Variants in IL1RAPL2 observed in about 807,000 individuals in gnomAD.
IL1RAPL2 encodes the protein X-linked interleukin-1 receptor accessory protein-like 2.
Under a neutral mutation model 44.1 loss-of-function variants are expected in IL1RAPL2, and 3 were observed. The observed-to-expected ratio is 0.07, with a 90% CI of 0.03 to 0.18. The LOEUF is 0.18. Among genes scored for constraint, IL1RAPL2 ranks in the 10% least tolerant of loss-of-function variants. The pLI, the probability that IL1RAPL2 is intolerant of heterozygous loss-of-function variation, is 1.00. For synonymous variants in IL1RAPL2, 181 were observed against 178.8 expected, an observed-to-expected ratio of 1.01 and a Z score of -0.10; for missense variants, 391 against 496.4, an observed-to-expected ratio of 0.79 and a Z score of 2.02.
intron 5 of IL1RAPL2, among the ~76,000 whole-genome samples, chrX:105,307,757 C>G (rs2147679171): frequency 1.0e-5 from 1 of 95,355 alleles, no homozygotes; most frequent in Admixed American, 1.4e-4. Flanking sequence ...CTTTTTTATT[C>G]AGTGAGTTAC....
intron 2 of IL1RAPL2, among the ~76,000 whole-genome samples, chrX:104,744,408 C>A (rs1932140257): frequency 9.0e-6 from 1 of 111,472 alleles, no homozygotes; most frequent in Admixed American, 9.6e-5. Flanking sequence ...ACAGGCAGCA[C>A]TGTACTAGGC....
At chrX:105,552,579 A>G (rs2036865902) in intron 6 of IL1RAPL2, among the ~76,000 whole-genome samples, 1 of 112,011 alleles carries the variant, frequency 8.9e-6, no homozygotes, top group African/African-American at 3.3e-5. Context: ...TCCAGGCATG[A>G]CACATAAAAA....
intron 2 of IL1RAPL2, among the ~76,000 whole-genome samples, chrX:104,989,123 C>G (rs763106138): frequency 1.3e-4 from 15 of 111,715 alleles, no homozygotes; most frequent in Non-Finnish European, 5.6e-5. Flanking sequence ...TAAGTATTTG[C>G]TCTTTCGCTC....
chrX:105,167,306 G>C, intron 2 of IL1RAPL2, among the ~76,000 whole-genome samples: 1 of 112,630 alleles, frequency 8.9e-6, no homozygotes. Flanking sequence ...AGGAATTTCT[G>C]CCTAAGGAAT....
At chrX:105,504,955 A>G (rs986758516) in intron 6 of IL1RAPL2, among the ~76,000 whole-genome samples, 82 of 111,244 alleles carry the variant, frequency 7.4e-4, no homozygotes, top group African/African-American at 2.6e-3. Context: ...AAATCAGTGT[A>G]ATGTTACCAT....
intron 5 of IL1RAPL2, among the ~76,000 whole-genome samples, chrX:105,483,595 C>G (rs2147775537): frequency 9.0e-6 from 1 of 111,452 alleles, no homozygotes; most frequent in African/African-American, 3.2e-5. Flanking sequence ...TTTCCCCAAA[C>G]CTTCCAGCGA....
intron 5 of IL1RAPL2, among the ~76,000 whole-genome samples, chrX:105,307,465 A>ATATATTATATATAATATATATATTT (rs2034749704): frequency 1.5e-5 from 1 of 68,291 alleles, no homozygotes; most frequent in Non-Finnish European, 2.5e-5. Context: ...TTTATATTAT[A>ATATATTATATATAATATATATATTT]TATATTATAT....
chrX:104,983,718 A>G (rs898415627), intron 2 of IL1RAPL2, among the ~76,000 whole-genome samples: 10 of 101,632 alleles, frequency 9.8e-5, no homozygotes, highest in African/African-American at 3.5e-4. Context: ...ATAATATTGT[A>G]TACATAATAT....
At chrX:104,861,676 T>A (rs963710907) in intron 2 of IL1RAPL2, among the ~76,000 whole-genome samples, 3 of 111,019 alleles carry the variant, frequency 2.7e-5, no homozygotes, top group Non-Finnish European at 5.7e-5. Flanking sequence ...AATCCACCGA[T>A]GCTCAGGTCC....
chrX:104,833,476 C>T (rs1464864564), intron 2 of IL1RAPL2, among the ~76,000 whole-genome samples: 6 of 111,865 alleles, frequency 5.4e-5, no homozygotes, highest in African/African-American at 6.5e-5. Context: ...GAATTTGTCT[C>T]GTGTAAAGTC....
chrX:104,965,932 A>G (rs1000511429), intron 2 of IL1RAPL2, among the ~76,000 whole-genome samples: 1 of 109,308 alleles, frequency 9.1e-6, no homozygotes, highest in Non-Finnish European at 1.9e-5. Flanking sequence ...AAGATTTATC[A>G]TATACCTAGA....
intron 4 of IL1RAPL2, among the ~76,000 whole-genome samples, chrX:105,261,604 G>T (rs1314439586): frequency 9.0e-6 from 1 of 111,491 alleles, no homozygotes. Context: ...TAGGCCTTTA[G>T]TGTGAGGTTT....
At chrX:105,285,442 G>C (rs2034563634) in intron 5 of IL1RAPL2, among the ~76,000 whole-genome samples, 1 of 111,878 alleles carries the variant, frequency 8.9e-6, no homozygotes, top group African/African-American at 3.2e-5. Context: ...ATTTCTACTT[G>C]CTGGGAATTC....
intron 5 of IL1RAPL2, among the ~76,000 whole-genome samples, chrX:105,368,983 A>G (rs1312885860): frequency 1.8e-5 from 2 of 108,531 alleles, no homozygotes; most frequent in East Asian, 5.9e-4. Flanking sequence ...GGATTGTTTC[A>G]TTTAGTTAAT....
At chrX:105,063,614 T>A (rs2032101292) in intron 2 of IL1RAPL2, among the ~76,000 whole-genome samples, 1 of 112,055 alleles carries the variant, frequency 8.9e-6, no homozygotes, top group Non-Finnish European at 1.9e-5. Context: ...TTCCTTAATA[T>A]GTTGTTTGTC....
chrX:104,587,960 A>G (rs1330352983), intron 1 of IL1RAPL2, among the ~76,000 whole-genome samples: 3 of 111,153 alleles, frequency 2.7e-5, no homozygotes, highest in African/African-American at 9.8e-5. Flanking sequence ...GGGCCTGGTG[A>G]TTTTTTTTGT....
intron 4 of IL1RAPL2, among the ~76,000 whole-genome samples, chrX:105,243,506 G>A (rs187596949): frequency 0.011 from 1,140 of 104,325 alleles, 21 homozygotes; most frequent in African/African-American, 0.038. Context: ...ATGTACATAA[G>A]CAGATATCCC....
intron 6 of IL1RAPL2, among the ~76,000 whole-genome samples, chrX:105,532,311 C>A (rs1315701486): frequency 8.9e-6 from 1 of 111,737 alleles, no homozygotes; most frequent in Non-Finnish European, 1.9e-5. Flanking sequence ...AAAGTGTGAA[C>A]CCTGAATCTC....
chrX:105,747,277 A>T (rs1260452950), intron 8 of IL1RAPL2, among the ~76,000 whole-genome samples: 1 of 108,797 alleles, frequency 9.2e-6, no homozygotes, highest in Admixed American at 9.9e-5. Context: ...CCAATTTCCT[A>T]CCCCTATTCA....
Sources: allele counts gnomAD v4.1 joint callset (sites outside exome capture counted in the v4.1 genomes callset), GRCh38; gene constraint gnomAD v4.1.1; transcripts MANE v1.5; gene names NCBI Gene and HGNC (gene_info 2026-07-23, HGNC 2026-07-21).